The following NDRG2 variants were observed in gnomAD, a reference collection of about 807,000 sequenced individuals.
NDRG2 encodes NDRG family member 2.
Under a neutral mutation model 58.2 loss-of-function variants are expected in NDRG2, and 34 were observed. The observed-to-expected ratio is 0.58, with a 90% confidence interval of 0.44 to 0.78. The LOEUF (loss-of-function observed/expected upper bound fraction) is 0.78, where lower values mean the gene tolerates loss of function less well. NDRG2 is among the 30% of genes least tolerant of loss of function. The pLI is 0.00. For synonymous variants in NDRG2, 187 were observed against 175.9 expected, an observed-to-expected ratio of 1.06 and a Z score of -0.50; for missense variants, 434 against 471.2, an observed-to-expected ratio of 0.92 and a Z score of 0.73.
At chr14:21,035,695 G>C (rs1594487668) in intron 1 of NDRG2, 1 of 446,210 alleles carries the variant, frequency 2.2e-6, no homozygotes, top group East Asian at 7.0e-5. Flanking sequence ...TCCTCATGTA[G>C]AGCCCCCTAA....
At chr14:21,056,720 C>T (rs1016155958) in intron 1 of NDRG2, among the ~76,000 whole-genome samples, 1 of 152,218 alleles carries the variant, frequency 6.6e-6, no homozygotes, top group African/African-American at 2.4e-5. Context: ...TTGGCGCCAG[C>T]CCAAAGGGAT....
At chr14:21,063,884 T>C (rs1433215663) in intron 1 of NDRG2, among the ~76,000 whole-genome samples, 1 of 152,186 alleles carries the variant, frequency 6.6e-6, no homozygotes, top group Admixed American at 6.5e-5. Flanking sequence ...CCTATGGAGA[T>C]AGCTTGTCCC....
chr14:21,025,429 C>A, upstream of NDRG2: 1 of 985,690 alleles, frequency 1.0e-6, no homozygotes, highest in Non-Finnish European at 1.2e-6. The surrounding 1 kb of genome is among the most constrained non-coding windows in gnomAD (Gnocchi z 5.1). Flanking sequence ...CCTTCCTTCG[C>A]CCCCAGACTC....
intron 1 of NDRG2, among the ~76,000 whole-genome samples, chr14:21,059,890 A>G (rs2139154938): frequency 6.6e-6 from 1 of 152,314 alleles, no homozygotes; most frequent in Non-Finnish European, 1.5e-5. Context: ...CACAGAGAGA[A>G]AAACATACAC....
intron 1 of NDRG2, among the ~76,000 whole-genome samples, chr14:21,065,030 G>C (rs372892325): frequency 7.5e-4 from 114 of 152,234 alleles, no homozygotes; most frequent in African/African-American, 2.6e-3. Context: ...AATTAGCCAG[G>C]CCTGGTGGCG....
At chr14:21,067,063 C>G (rs1886306405) in intron 1 of NDRG2, among the ~76,000 whole-genome samples, 1 of 152,146 alleles carries the variant, frequency 6.6e-6, no homozygotes, top group Non-Finnish European at 1.5e-5. Context: ...CTGCTACTCT[C>G]CCAGGGAGAA....
Position 21,020,550 on chromosome 14 carries a change from G to A in NDRG2, c.501C>T (p.Val167=). The A allele has an allele frequency of 6.2e-7, 1 of 1,613,788 alleles. No individual in the cohort carries two copies. The highest frequency in any genetic ancestry group is 8.5e-7 in the Non-Finnish European group (1 of 1,179,940). Residue 167 remains valine, a synonymous_variant, in exon 8 of 16, where the codon GTC becomes GTT. Transcript: ENST00000556147. ...LNHPDTVEGL[V]LINIDPNAKG... ...TGGCATTGGGATCAATGTTGATGAG[G>A]ACAAGACCTTCAACAGTGTCCGGGT...
chr14:21,063,016 G>C (rs1023064314), intron 1 of NDRG2, among the ~76,000 whole-genome samples: 2 of 151,406 alleles, frequency 1.3e-5, no homozygotes, highest in African/African-American at 4.9e-5. Flanking sequence ...TGTAGTTCCA[G>C]CTACTGGGGA....
intron 1 of NDRG2, among the ~76,000 whole-genome samples, chr14:21,050,671 C>A (rs1165971383): frequency 6.6e-6 from 1 of 152,154 alleles, no homozygotes; most frequent in Non-Finnish European, 1.5e-5. Flanking sequence ...AATAGCCGTG[C>A]ATATGAGTGT....
chr14:21,032,177 C>A, intron 1 of NDRG2: 1 of 1,275,320 alleles, frequency 7.8e-7, no homozygotes, highest in Non-Finnish European at 1.1e-6. Flanking sequence ...CAGCCAAAAT[C>A]TCTGTCTGTG....
intron 1 of NDRG2, chr14:21,043,413 G>C: frequency 6.2e-7 from 1 of 1,611,382 alleles, no homozygotes; most frequent in South Asian, 1.1e-5. Context: ...CCAGAAAAAG[G>C]ACTCTCAGCA....
intron 1 of NDRG2, chr14:21,031,159 C>T (rs765673385): frequency 3.3e-5 from 53 of 1,613,352 alleles, no homozygotes; most frequent in African/African-American, 2.9e-4. Flanking sequence ...CCACCACTGG[C>T]GCTACTGTGA....
Position 21,018,213 on chromosome 14 carries a change from C to G in NDRG2, c.888G>C (p.Gln296His). ...LKMADSGGQP[Q>H]LTQPGKLTEA... ...CGGCAGCGGCACTCACCTGAGTCAG[C>G]TGGGGCTGACCTCCGGAGTCAGCCA... Residue 296 changes from glutamine to histidine, a missense_variant, in exon 14 of 16, where the codon CAG becomes CAC. By Grantham distance (24) the Gln-to-His change is conservative. Coordinates refer to ENST00000556147, the MANE Select transcript of NDRG2 (RefSeq NM_001320329.2). 1.2e-6 allele frequency: 2 copies of G among 1,613,838 alleles called. No homozygotes were observed. Among genetic ancestry groups the G allele is most frequent in the African/African-American group, 1.3e-5 (1 of 75,050 alleles).
intron 1 of NDRG2, among the ~76,000 whole-genome samples, chr14:21,035,273 C>T (rs967594161): frequency 6.6e-6 from 1 of 152,244 alleles, no homozygotes; most frequent in Admixed American, 6.5e-5. Context: ...TGCATGCTGA[C>T]TCTGAAGCCT....
intron 10 of NDRG2, 55 bp downstream of exon 10, chr14:21,019,584 G>A (rs73583876): frequency 9.2e-6 from 11 of 1,199,634 alleles, no homozygotes; most frequent in South Asian, 2.6e-5. Flanking sequence ...CCCCCATGAC[G>A]CCCAATTACT....
chr14:21,051,329 T>C (rs953935198), intron 1 of NDRG2, among the ~76,000 whole-genome samples: 6 of 152,284 alleles, frequency 3.9e-5, no homozygotes, highest in Middle Eastern at 3.4e-3. Context: ...GACTGGAACA[T>C]AGAAAAGCCT....
chr14:21,058,331 C>T (rs1885778653), intron 1 of NDRG2: 1 of 1,611,382 alleles, frequency 6.2e-7, no homozygotes, highest in African/African-American at 1.3e-5. Context: ...CCCACTTGTT[C>T]CTGTGCACTT....
At chr14:21,056,539 A>G (rs1885683394) in intron 1 of NDRG2, among the ~76,000 whole-genome samples, 1 of 152,214 alleles carries the variant, frequency 6.6e-6, no homozygotes, top group East Asian at 1.9e-4. Context: ...CAAACACGGG[A>G]AAGTGTAAAA....
In NDRG2 at chr14:21,020,572, G is replaced by C. The variant is rs144285486; in HGVS notation, c.479C>G (p.Pro160Arg). Residue 160 changes from proline (P) to arginine (R), a missense_variant, in exon 8 of 16, where the codon CCG (proline) becomes CGG (arginine). Pro to Arg is a moderately radical substitution (Grantham distance 103). Coordinates refer to ENST00000556147, the MANE Select transcript of NDRG2 (RefSeq NM_001320329.2). ...GAGGACAAGACCTTCAACAGTGTCC[G>C]GGTGGTTAAGCTGAGGGACAGCAGA... ...YILARYALNH[P>R]DTVEGLVLIN... is the part of the protein sequence containing the mutation. The C allele has an allele frequency of 6.2e-7, 1 of 1,613,420 alleles. No individual in the cohort carries two copies. The highest frequency in any genetic ancestry group is 1.7e-5 in the Admixed American group (1 of 59,950).
Sources: allele counts gnomAD v4.1 joint callset (sites outside exome capture counted in the v4.1 genomes callset), GRCh38; gene constraint gnomAD v4.1.1; non-coding constraint Gnocchi (gnomAD v3.1); transcripts MANE v1.5; gene names NCBI Gene and HGNC (gene_info 2026-07-23, HGNC 2026-07-21).